Variants in TNR observed in about 807,000 individuals in gnomAD.
TNR encodes tenascin R.
Under a neutral mutation model 150.4 loss-of-function variants are expected in TNR, and 45 were observed. That is an observed-to-expected ratio of 0.30 (90% CI 0.24 to 0.38). The LOEUF (loss-of-function observed/expected upper bound fraction) is 0.38, where lower values mean the gene tolerates loss of function less well. Ranked by LOEUF, TNR falls within the 10% of genes least tolerant of loss-of-function variation. TNR has a pLI of 1.00. For missense variants in TNR, 1,544 were observed against 1,759.1 expected (o/e 0.88, Z 2.19); for synonymous variants, 687 against 678.4 (o/e 1.01, Z -0.20).
At chr1:175,323,540 A>G in intron 22 of TNR, 64 bp from the exon 23 acceptor site, 2 of 1,586,754 alleles carry the variant, frequency 1.3e-6, no homozygotes, top group South Asian at 1.1e-5. Context: ...ACTTCAAAAA[A>G]GGGGTAATTA....
At chr1:175,495,122 C>T (rs570745641) in intron 2 of TNR, among the ~76,000 whole-genome samples, 39 of 152,284 alleles carry the variant, frequency 2.6e-4, no homozygotes, top group African/African-American at 9.1e-4. Context: ...CCCAGTGACT[C>T]ATACTGGGCC....
chr1:175,426,973 T>C (rs568676120), intron 2 of TNR, among the ~76,000 whole-genome samples: 23 of 140,340 alleles, frequency 1.6e-4, no homozygotes, highest in African/African-American at 5.8e-4. Context: ...ATATATTATA[T>C]ATATATTATA....
In TNR at chr1:175,403,535, C is replaced by G; in HGVS notation, c.581G>C (p.Trp194Ser). 6.2e-7 allele frequency: 1 copy of G among 1,614,222 alleles called. No individual in the cohort carries two copies. Among genetic ancestry groups the G allele is most frequent in the Non-Finnish European group, 8.5e-7 (1 of 1,180,050 alleles). ...GGGCTCCGAGCAATTCTTGCCAAAC[C>G]AGCCTTCGTTGCAGATGCAGCCACA... ...ESCGCICNEGWFGKNCSEPYC... is the reference protein window; with the variant it reads ...ESCGCICNEGSFGKNCSEPYC... Residue 194 changes from tryptophan to serine, a missense_variant, in exon 4 of 23, where the codon TGG (tryptophan) becomes TCG (serine). Coordinates refer to ENST00000367674, the MANE Select transcript of TNR (RefSeq NM_003285.3).
intron 1 of TNR, among the ~76,000 whole-genome samples, chr1:175,565,969 C>A (rs1387721234): frequency 6.6e-6 from 1 of 152,118 alleles, no homozygotes; most frequent in Non-Finnish European, 1.5e-5. Context: ...AGGGGATGGA[C>A]AACAGGTAGA....
At chr1:175,331,099 T>TTCTTTCTTTCTTTCTTTCTTTCTTTCTC (rs1557868221) in intron 20 of TNR, among the ~76,000 whole-genome samples, 1 of 106,430 alleles carries the variant, frequency 9.4e-6, no homozygotes, top group African/African-American at 3.9e-5. Flanking sequence ...CTTTCTTTCT[T>TTCTTTCTTTCTTTCTTTCTTTCTTTCTC]TCTCTCTCTC....
At chr1:175,552,894 G>A (rs574585117) in intron 1 of TNR, among the ~76,000 whole-genome samples, 9 of 152,260 alleles carry the variant, frequency 5.9e-5, no homozygotes, top group African/African-American at 1.2e-4. Flanking sequence ...CAGATAAACC[G>A]TGAGTATAGT....
At position 175,365,208 on chromosome 1, in the gene TNR, G is replaced by C. The variant is rs747483501; in HGVS notation, c.2389C>G (p.Pro797Ala). Residue 797 changes from proline to alanine, a missense_variant, in exon 12 of 23, where the codon CCA (proline) becomes GCA (alanine). Pro to Ala is a conservative substitution (Grantham distance 27). This residue lies in a region of TNR where 1,254 missense variants were observed against 1,329.4 expected (regional missense o/e 0.94). Coordinates refer to ENST00000367674, the MANE Select transcript of TNR (RefSeq NM_003285.3). The stretch of plus-strand genomic sequence containing the variant: ...ATGAGTCTGTCTGCTGGGGGAGATG[G>C]ATCACTCCAAGTGATGTTCACACTG... ...SSSVNITWSD[P>A]SPPADRLILN... 2 of 1,614,084 alleles carry C rather than the reference G, an allele frequency of 1.2e-6. No homozygotes were observed. The highest frequency in any genetic ancestry group is 2.2e-5 in the South Asian group (2 of 91,078).
chr1:175,492,541 G>A (rs1658302905), intron 2 of TNR, among the ~76,000 whole-genome samples: 1 of 152,318 alleles, frequency 6.6e-6, no homozygotes, highest in East Asian at 1.9e-4. Context: ...TAGAAAACGA[G>A]CGGTCACAGA....
intron 1 of TNR, among the ~76,000 whole-genome samples, chr1:175,576,423 C>G (rs976639133): frequency 6.6e-6 from 1 of 152,132 alleles, no homozygotes; most frequent in Non-Finnish European, 1.5e-5. Flanking sequence ...TGACTTGAGT[C>G]TCATAAAGCA....
At position 175,406,789 on chromosome 1, in the gene TNR, A is replaced by G; in HGVS notation, c.-63-12T>C. On this transcript the variant is annotated splice_polypyrimidine_tract_variant and intron_variant, in intron 2 of 22. Transcript: ENST00000367674. ...GGAGTTGTGGGAATCTGCAACGGAA[A>G]CCAAGGAAAGAGACAACCTCTGAGA... 6.4e-7 allele frequency: 1 copy of G among 1,557,718 alleles called. No homozygotes were observed. The highest frequency in any genetic ancestry group is 8.7e-7 in the Non-Finnish European group (1 of 1,152,136).
intron 15 of TNR, 152 bp downstream of exon 15, chr1:175,359,460 A>G: frequency 1.6e-6 from 2 of 1,224,966 alleles, no homozygotes; most frequent in South Asian, 2.7e-5. Context: ...GTTTGGGGAT[A>G]TCTTGAGGGC....
intron 2 of TNR, among the ~76,000 whole-genome samples, chr1:175,495,797 G>A (rs1025798715): frequency 1.3e-5 from 2 of 152,190 alleles, no homozygotes; most frequent in African/African-American, 4.8e-5. Flanking sequence ...TTTGTGTGGC[G>A]AGAAGCTGGG....
intron 1 of TNR, among the ~76,000 whole-genome samples, chr1:175,608,463 T>C (rs1472506577): frequency 2.6e-5 from 4 of 152,212 alleles, no homozygotes; most frequent in Non-Finnish European, 5.9e-5. Context: ...AATAACTTTT[T>C]GACCTTGGGA....
chr1:175,662,095 G>A (rs1464162329), intron 1 of TNR, among the ~76,000 whole-genome samples: 1 of 152,116 alleles, frequency 6.6e-6, no homozygotes, highest in Non-Finnish European at 1.5e-5. Flanking sequence ...ATGGGGATTA[G>A]GACCAGAAAC....
chr1:175,487,999 T>G (rs1300972421), intron 2 of TNR, among the ~76,000 whole-genome samples: 1 of 152,090 alleles, frequency 6.6e-6, no homozygotes, highest in Non-Finnish European at 1.5e-5. Flanking sequence ...GTGAGAGCAT[T>G]GAGCTGTTTT....
intron 1 of TNR, among the ~76,000 whole-genome samples, chr1:175,567,551 A>G (rs1661692045): frequency 6.6e-6 from 1 of 152,218 alleles, no homozygotes; most frequent in African/African-American, 2.4e-5. Context: ...TGCGGGTCTA[A>G]CATGGCCATG....
intron 20 of TNR, among the ~76,000 whole-genome samples, chr1:175,331,041 CTT>C (rs371670839): frequency 1.3e-5 from 1 of 75,858 alleles, no homozygotes; most frequent in Non-Finnish European, 2.8e-5. Flanking sequence ...TTCTTTCTTT[CTT>C]TCTTTCTTTC....
intron 1 of TNR, among the ~76,000 whole-genome samples, chr1:175,728,770 T>C (rs1011581723): frequency 2.6e-5 from 4 of 152,234 alleles, no homozygotes; most frequent in African/African-American, 9.6e-5. Context: ...TGGGATCCTA[T>C]ACAGGGTAAA....
Position 175,362,822 on chromosome 1 carries a change from AG to A in TNR, c.2708-14del, listed in dbSNP as rs764028041. On this transcript the variant is annotated splice_polypyrimidine_tract_variant and intron_variant, in intron 13 of 22. Coordinates refer to ENST00000367674, the MANE Select transcript of TNR (RefSeq NM_003285.3). ...TCTAGTCGTCCCACTGGAGAAGAGA[AG>A]AATCTACAGTTAAAATTCAGCAGCC... 1.7e-5 allele frequency: 28 copies of A among 1,613,620 alleles called. 1 individual carries two copies. In the South Asian group the frequency reaches 3.1e-4, roughly 18 times the overall value.
Sources: allele counts gnomAD v4.1 joint callset (sites outside exome capture counted in the v4.1 genomes callset), GRCh38; gene constraint gnomAD v4.1.1; regional missense constraint gnomAD v4.1.1; transcripts MANE v1.5; gene names NCBI Gene and HGNC (gene_info 2026-07-23, HGNC 2026-07-21).